Variants in SLC11A2 observed in about 807,000 individuals in gnomAD.
The protein encoded by SLC11A2 is solute carrier family 11 member 2, also known as natural resistance-associated macrophage protein 2.
SLC11A2 carries 38 observed loss-of-function variants against 68.0 expected under a neutral mutation model. The observed-to-expected ratio is 0.56, with a 90% CI of 0.43 to 0.73. SLC11A2 has a LOEUF of 0.73. Ranked by LOEUF, SLC11A2 falls within the 30% of genes least tolerant of loss-of-function variation. The pLI is 0.00. For synonymous variants in SLC11A2, 242 were observed against 250.6 expected (o/e 0.97, Z 0.32); for missense variants, 517 against 690.5 (o/e 0.75, Z 2.82).
At chr12:50,956,208 G>A in the SLC11A2 span, among the ~76,000 whole-genome samples, 8 of 152,158 alleles carry the variant, frequency 5.3e-5, no homozygotes, top group African/African-American at 1.2e-4. Flanking sequence ...CCTGGCTAAT[G>A]TGGTGAAACC....
the SLC11A2 span, among the ~76,000 whole-genome samples, chr12:50,958,738 C>T: frequency 2.0e-5 from 3 of 151,554 alleles, no homozygotes; most frequent in Non-Finnish European, 4.4e-5. Context: ...AAAAATAGGC[C>T]GGGCACAGTG....
intron 1 of SLC11A2, among the ~76,000 whole-genome samples, chr12:51,013,969 G>A (rs1210555667): frequency 1.3e-5 from 2 of 151,816 alleles, no homozygotes; most frequent in African/African-American, 2.4e-5. Flanking sequence ...TTACAGGCAC[G>A]TGCCACCACA....
At chr12:50,965,011 T>C in the SLC11A2 span, among the ~76,000 whole-genome samples, 1 of 151,982 alleles carries the variant, frequency 6.6e-6, no homozygotes, top group Non-Finnish European at 1.5e-5. Flanking sequence ...GCACGACCCA[T>C]TGCATCTAGC....
the SLC11A2 span, among the ~76,000 whole-genome samples, chr12:50,955,859 G>A: frequency 6.6e-6 from 1 of 152,066 alleles, no homozygotes; most frequent in Non-Finnish European, 1.5e-5. Context: ...AGAGACATAC[G>A]CACCACTGTG....
At chr12:50,993,111 C>A in intron 11 of SLC11A2, 182 bp from the exon 12 acceptor site, 2 of 634,548 alleles carry the variant, frequency 3.2e-6, no homozygotes, top group Admixed American at 2.3e-5. Flanking sequence ...AGCTTTCAGT[C>A]TAAACTTTAC....
At chr12:50,967,327 C>T in the SLC11A2 span, among the ~76,000 whole-genome samples, 1 of 151,984 alleles carries the variant, frequency 6.6e-6, no homozygotes, top group African/African-American at 2.4e-5. Context: ...AAAATTTTTT[C>T]GTAGAGGTGG....
chr12:50,992,741 AAAAAAG>A (rs1192000044), intron 12 of SLC11A2, 63 bp downstream of exon 12: 80 of 1,440,338 alleles, frequency 5.6e-5, no homozygotes, highest in East Asian at 1.7e-4. Context: ...AAAAAAAAAA[AAAAAAG>A]AAGAAGAAGA....
the SLC11A2 span, among the ~76,000 whole-genome samples, chr12:50,964,146 G>A: frequency 9.4e-6 from 1 of 105,984 alleles, no homozygotes; most frequent in East Asian, 2.4e-4. Context: ...GTGGGGAATA[G>A]AAAAAAATTG....
In SLC11A2 at chr12:50,996,890, A is replaced by G; in HGVS notation, c.758T>C (p.Ile253Thr). ...PSCSGCRTPQ[I>T]EQAVGIVGAV... is the part of the protein sequence containing the mutation. ...TCCCACGATGCCCACAGCCTGTTCA[A>G]TCTGTGGAGTGCGACAGCCTGAACA... Residue 253 changes from isoleucine to threonine, a missense_variant, in exon 9 of 16, where the codon ATT (isoleucine) becomes ACT (threonine). Transcript: ENST00000262052. The G allele has an allele frequency of 6.2e-7, 1 of 1,613,914 alleles. No individual in the cohort carries two copies. Among genetic ancestry groups the G allele is most frequent in the Non-Finnish European group, 8.5e-7 (1 of 1,179,828 alleles).
intron 3 of SLC11A2, among the ~76,000 whole-genome samples, chr12:51,006,499 G>A (rs1942745908): frequency 6.6e-6 from 1 of 152,204 alleles, no homozygotes; most frequent in Admixed American, 6.5e-5. Context: ...CTGCAAAGCT[G>A]TCTCTTATGA....
At chr12:50,993,600 G>T (rs191647711) in intron 11 of SLC11A2, among the ~76,000 whole-genome samples, 64 of 151,828 alleles carry the variant, frequency 4.2e-4, no homozygotes, top group Non-Finnish European at 6.6e-4. Context: ...CCGAGGGGGG[G>T]GTGGATCACC....
chr12:51,014,459 ATTAT>A (rs1383166956), intron 1 of SLC11A2, among the ~76,000 whole-genome samples: 5 of 152,238 alleles, frequency 3.3e-5, no homozygotes, highest in Non-Finnish European at 7.3e-5. Flanking sequence ...TCAAGAATGA[ATTAT>A]TTCAAGAAAG....
At chr12:50,989,936 T>C (rs962844774) in intron 15 of SLC11A2, among the ~76,000 whole-genome samples, 6 of 152,324 alleles carry the variant, frequency 3.9e-5, no homozygotes, top group Middle Eastern at 6.8e-3. Context: ...CAAAGAAACC[T>C]GTATAGAACA....
chr12:50,982,952 A>C (rs533836051), downstream of SLC11A2, among the ~76,000 whole-genome samples: 13 of 151,990 alleles, frequency 8.6e-5, no homozygotes, highest in Admixed American at 8.5e-4. Context: ...AAAAAAAAAA[A>C]AAAAACCCAC....
chr12:51,014,154 A>C lies in SLC11A2; in HGVS notation c.-38-3388T>G, dbSNP rs146454116. On this transcript the variant is annotated intron_variant, in intron 1 of 15. Coordinates refer to ENST00000262052, the MANE Select transcript of SLC11A2 (RefSeq NM_000617.3). ...TTTCTTTTAATATGGAACACTTCAC[A>C]AATTTGCGTGTCATCCTTGTGCAGA... 6.0e-3 allele frequency: 917 copies of C among 152,386 alleles called. 6 individuals are homozygous for C. Among genetic ancestry groups the C allele is most frequent in the Middle Eastern group, 0.02 (6 of 294 alleles). The allele number at this position is 152,386 out of a possible 1,614,324, so 9.4% of individuals were successfully genotyped here.
rs544746785 is a variant in SLC11A2, at chr12:51,017,269, C to A, written c.-38-6503G>T. ...GAGGACTGGTTGAATAAACTGTGCA[C>A]ATTCATTGGACAGAATACCATGCAA... On this transcript the variant is annotated intron_variant, in intron 1 of 15. Transcript: ENST00000262052. Among the ~76,000 whole-genome samples the A allele has an allele frequency of 1.6e-4, 25 of 152,256 alleles. No individual in the cohort carries two copies. In the South Asian group the frequency reaches 4.8e-3, roughly 29 times the overall value.
Position 51,015,930 on chromosome 12 carries a change from G to A in SLC11A2, c.-38-5164C>T, listed in dbSNP as rs139166332. ...CTCCCTAGTAGCTGGGATTACAGGC[G>A]CATGCCACCATGCCCGGCTAATTTT... On this transcript the variant is annotated intron_variant, in intron 1 of 15. Coordinates refer to ENST00000262052, the MANE Select transcript of SLC11A2 (RefSeq NM_000617.3). Among the ~76,000 whole-genome samples the A allele has an allele frequency of 4.2e-3, 640 of 152,168 alleles. 4 individuals carry two copies. The highest frequency in any genetic ancestry group is 0.014 in the African/African-American group (600 of 41,530).
downstream of SLC11A2, among the ~76,000 whole-genome samples, chr12:50,977,737 A>C: frequency 6.6e-6 from 1 of 152,244 alleles, no homozygotes; most frequent in Non-Finnish European, 1.5e-5. Flanking sequence ...AAATTTCTGC[A>C]ATCTACTCAT....
chr12:50,997,693 A>AAAG (rs1941834908), intron 8 of SLC11A2, among the ~76,000 whole-genome samples: 1 of 149,506 alleles, frequency 6.7e-6, no homozygotes, highest in Non-Finnish European at 1.5e-5. Flanking sequence ...AAAAAAAAAA[A>AAAG]AAAAAAAAAA....
Sources: gnomAD v4.1 joint callset for allele counts (sites outside exome capture counted in the v4.1 genomes callset) on GRCh38, gnomAD v4.1.1 for gene constraint, MANE v1.5 for transcripts, NCBI Gene and HGNC (gene_info 2026-07-23, HGNC 2026-07-21) for gene names.